The following EDC3 variants were observed in gnomAD, a reference collection of about 807,000 sequenced individuals.
The protein encoded by EDC3 is enhancer of mRNA-decapping protein 3.
Under a neutral mutation model 41.8 loss-of-function variants are expected in EDC3, and 20 were observed. That is an observed-to-expected ratio of 0.48 (90% confidence interval 0.34 to 0.70). EDC3 has a LOEUF of 0.70. Among genes scored for constraint, EDC3 ranks in the 30% least tolerant of loss-of-function variants. The pLI is 0.01. For missense variants in EDC3, 444 were observed against 636.8 expected (o/e 0.70, Z 3.26); for synonymous variants, 206 against 243.2 (o/e 0.85, Z 1.42).
chr15:74,634,092 T>G (rs1241578030), intron 6 of EDC3, among the ~76,000 whole-genome samples: 3 of 152,196 alleles, frequency 2.0e-5, no homozygotes, highest in African/African-American at 7.2e-5. Flanking sequence ...TGTTCTCATT[T>G]AAACCCATTC....
intron 1 of EDC3, among the ~76,000 whole-genome samples, chr15:74,683,648 G>C (rs2062900643): frequency 6.6e-6 from 1 of 152,000 alleles, no homozygotes; most frequent in African/African-American, 2.4e-5. Flanking sequence ...GGGGAAACTG[G>C]GTAGGGCATA....
At position 74,645,568 on chromosome 15, in the gene EDC3, G is replaced by GGA. The variant is rs1555452898; in HGVS notation, c.821-4950_821-4949insTC. ...ATTTTTTTCAATAAAAAAAGTTGGG[G>GGA]GGGGGGGGGTGCCAGGCAGGTGGCT... On this transcript the variant is annotated intron_variant, in intron 4 of 6. Transcript: ENST00000315127. Among the ~76,000 whole-genome samples, 167 of 140,556 alleles carry GGA rather than the reference G, an allele frequency of 1.2e-3. 8 individuals are homozygous for GGA. Among genetic ancestry groups the GGA allele is most frequent in the African/African-American group, 4.3e-3 (146 of 33,594 alleles). 92.2% of individuals were successfully genotyped at this position (140,556 alleles called of 152,430 possible). A position where few individuals can be genotyped will look rare whatever the true frequency, so the allele number is the denominator to read the frequency against.
intron 3 of EDC3, among the ~76,000 whole-genome samples, chr15:74,661,544 G>A (rs574450470): frequency 4.6e-5 from 7 of 152,082 alleles, no homozygotes; most frequent in Admixed American, 2.6e-4. Context: ...TTGGGAGGCC[G>A]AGGTGGGCAG....
chr15:74,646,887 G>A lies in EDC3; in HGVS notation c.821-6268C>T, dbSNP rs1051439020. Among the ~76,000 whole-genome samples, 23 of 152,008 alleles carry A rather than the reference G, an allele frequency of 1.5e-4. 1 individual carries two copies. Among genetic ancestry groups the A allele is most frequent in the Middle Eastern group, 6.8e-3 (2 of 292 alleles). On this transcript the variant is annotated intron_variant, in intron 4 of 6. Coordinates refer to ENST00000315127, the MANE Select transcript of EDC3 (RefSeq NM_025083.5). ...CAAATGAAATTTTGAAGGAAGGAGA[G>A]ACTCTGGGGCCAGAATGAATACTAC...
intron 1 of EDC3, among the ~76,000 whole-genome samples, chr15:74,688,413 A>C (rs1194174666): frequency 2.6e-5 from 4 of 152,222 alleles, no homozygotes; most frequent in Non-Finnish European, 4.4e-5. Context: ...GAAATTTTAC[A>C]TATCAATTCA....
At chr15:74,664,027 T>C (rs2062651515) in intron 3 of EDC3, among the ~76,000 whole-genome samples, 1 of 152,136 alleles carries the variant, frequency 6.6e-6, no homozygotes, top group Non-Finnish European at 1.5e-5. Flanking sequence ...AAATGCAGAG[T>C]TGATTCATTC....
At chr15:74,656,608 G>A (rs1227428936) in intron 3 of EDC3, among the ~76,000 whole-genome samples, 2 of 152,202 alleles carry the variant, frequency 1.3e-5, no homozygotes, top group Non-Finnish European at 1.5e-5. Flanking sequence ...ATAGCATGGT[G>A]GTTTTGACAT....
chr15:74,640,738 A>C (rs538051045), intron 4 of EDC3, 119 bp from the exon 5 acceptor site: 1 of 1,265,564 alleles, frequency 7.9e-7, no homozygotes, highest in African/African-American at 1.5e-5. Context: ...CCCCTGGCCC[A>C]TCCTCTTCAT....
intron 3 of EDC3, among the ~76,000 whole-genome samples, chr15:74,662,007 A>G (rs2062626803): frequency 6.6e-6 from 1 of 152,210 alleles, no homozygotes; most frequent in East Asian, 1.9e-4. Flanking sequence ...AGCATCCTCG[A>G]GTTTCATGAA....
intron 6 of EDC3, among the ~76,000 whole-genome samples, chr15:74,633,853 A>G (rs2062240612): frequency 6.6e-6 from 1 of 152,174 alleles, no homozygotes; most frequent in South Asian, 2.1e-4. Context: ...TTTCTCAGCT[A>G]GAGACTCACA....
chr15:74,690,720 G>A (rs1386031661), intron 1 of EDC3, among the ~76,000 whole-genome samples: 1 of 152,192 alleles, frequency 6.6e-6, no homozygotes, highest in African/African-American at 2.4e-5. Flanking sequence ...GCTGAGGCAG[G>A]AGGATCACTT....
intron 3 of EDC3, among the ~76,000 whole-genome samples, chr15:74,658,669 G>A (rs1048574645): frequency 6.7e-5 from 10 of 149,518 alleles, no homozygotes; most frequent in African/African-American, 1.7e-4. Flanking sequence ...GGCCAGGCGC[G>A]GGGGCTCATG....
chr15:74,686,563 TC>T (rs1431276846), intron 1 of EDC3, among the ~76,000 whole-genome samples: 9 of 150,526 alleles, frequency 6.0e-5, no homozygotes, highest in Non-Finnish European at 1.2e-4. Flanking sequence ...GGCAGGTGGA[TC>T]ACCTGAGGAG....
intron 4 of EDC3, among the ~76,000 whole-genome samples, chr15:74,649,916 T>C (rs1289464882): frequency 6.6e-6 from 1 of 151,966 alleles, no homozygotes; most frequent in Non-Finnish European, 1.5e-5. Context: ...TCGTGCAATC[T>C]CATGATAACT....
chr15:74,645,855 G>A (rs1038670341), intron 4 of EDC3, among the ~76,000 whole-genome samples: 6 of 151,810 alleles, frequency 4.0e-5, no homozygotes, highest in African/African-American at 1.2e-4. Context: ...TAGCCTGGGC[G>A]ATAGAGAGAG....
chr15:74,693,773 C>T (rs1016758888), intron 1 of EDC3, among the ~76,000 whole-genome samples: 1 of 152,026 alleles, frequency 6.6e-6, no homozygotes, highest in Non-Finnish European at 1.5e-5. Context: ...CACCTGAGGT[C>T]GGGAGTTCGA....
At chr15:74,683,026 A>T (rs1282058180) in intron 1 of EDC3, among the ~76,000 whole-genome samples, 1 of 152,176 alleles carries the variant, frequency 6.6e-6, no homozygotes, top group Non-Finnish European at 1.5e-5. Flanking sequence ...CTGTCTCAGA[A>T]AAAAAATAAA....
intron 5 of EDC3, chr15:74,640,219 T>C (rs565387342): frequency 2.5e-4 from 114 of 457,048 alleles, no homozygotes; most frequent in African/African-American, 2.1e-3. Context: ...TCAGGCCCGA[T>C]GGCTGCTATC....
At chr15:74,670,720 G>T (rs142227489) in intron 3 of EDC3, among the ~76,000 whole-genome samples, 1 of 152,172 alleles carries the variant, frequency 6.6e-6, no homozygotes, top group South Asian at 2.1e-4. Flanking sequence ...GTGAGCCACC[G>T]TGCCTGGTCA....
Sources: gnomAD v4.1 joint callset for allele counts (sites outside exome capture counted in the v4.1 genomes callset) on GRCh38, gnomAD v4.1.1 for gene constraint, MANE v1.5 for transcripts, NCBI Gene and HGNC (gene_info 2026-07-23, HGNC 2026-07-21) for gene names.